Variants in SPATA6 observed in about 807,000 individuals in gnomAD.
The protein encoded by SPATA6 is spermatogenesis-associated protein 6.
Under a neutral mutation model 65.3 loss-of-function variants are expected in SPATA6, and 56 were observed. The observed-to-expected ratio is 0.86, with a 90% confidence interval of 0.69 to 1.07. SPATA6 has a LOEUF of 1.07. Ranked by LOEUF, SPATA6 falls within the 50% of genes least tolerant of loss-of-function variation. The pLI, the probability that SPATA6 is intolerant of heterozygous loss-of-function variation, is 0.00. For synonymous variants in SPATA6, 199 were observed against 213.2 expected, an observed-to-expected ratio of 0.93 and a Z score of 0.58; for missense variants, 590 against 594.8, an observed-to-expected ratio of 0.99 and a Z score of 0.08.
At chr1:48,385,441 CAG>C in intron 8 of SPATA6, 92 bp from the exon 9 acceptor site, 1 of 1,073,604 alleles carries the variant, frequency 9.3e-7, no homozygotes, top group South Asian at 1.7e-5. Context: ...ATAATTCACT[CAG>C]AATATTTCAG....
At chr1:48,447,220 AG>A (rs1176330588) in intron 3 of SPATA6, among the ~76,000 whole-genome samples, 1 of 151,998 alleles carries the variant, frequency 6.6e-6, no homozygotes, top group African/African-American at 2.4e-5. Flanking sequence ...CTTTTGGGGG[AG>A]TCAAAAGTTA....
chr1:48,441,974 C>T (rs574806503), intron 3 of SPATA6, among the ~76,000 whole-genome samples: 1 of 152,312 alleles, frequency 6.6e-6, no homozygotes, highest in Admixed American at 6.5e-5. Context: ...TGGCCCTCAA[C>T]CCTGCTACTT....
intron 8 of SPATA6, among the ~76,000 whole-genome samples, chr1:48,392,183 G>T (rs901631932): frequency 6.6e-6 from 1 of 152,048 alleles, no homozygotes; most frequent in Non-Finnish European, 1.5e-5. Context: ...CATCTGATAA[G>T]GGATTAATGG....
At chr1:48,363,699 A>G (rs1003062769) in intron 9 of SPATA6, among the ~76,000 whole-genome samples, 38 of 152,138 alleles carry the variant, frequency 2.5e-4, no homozygotes, top group Non-Finnish European at 3.8e-4. Context: ...AATCAAGATG[A>G]AAAAATAACT....
Position 48,310,637 on chromosome 1 carries a change from G to A in SPATA6, c.1195-4759C>T, listed in dbSNP as rs1645181235. On this transcript the variant is annotated intron_variant, in intron 11 of 12. Coordinates refer to ENST00000371847, the MANE Select transcript of SPATA6 (RefSeq NM_019073.4). ...AACCAACAGGATGTGTGTACAGTTCGAAGACAGCAATATTTGATTTTTCAA... is the reference window on the plus strand; with the variant it reads ...AACCAACAGGATGTGTGTACAGTTCAAAGACAGCAATATTTGATTTTTCAA... 3.3e-5 allele frequency among the ~76,000 whole-genome samples: 5 copies of A among 152,102 alleles called. No homozygotes were observed. In the South Asian group the frequency reaches 1.0e-3, roughly 31 times the overall value.
At chr1:48,350,980 G>C (rs1376472613) in intron 11 of SPATA6, among the ~76,000 whole-genome samples, 2 of 151,806 alleles carry the variant, frequency 1.3e-5, no homozygotes, top group Non-Finnish European at 2.9e-5. Context: ...GAATCCTCCT[G>C]TCCATGAACA....
At chr1:48,360,344 C>T (rs1056562234) in intron 9 of SPATA6, among the ~76,000 whole-genome samples, 2 of 152,044 alleles carry the variant, frequency 1.3e-5, no homozygotes, top group African/African-American at 4.8e-5. Context: ...TATTAAGTAA[C>T]ATGAGAAGCA....
At chr1:48,319,189 A>G (rs1334294208) in intron 11 of SPATA6, among the ~76,000 whole-genome samples, 6 of 152,210 alleles carry the variant, frequency 3.9e-5, no homozygotes, top group African/African-American at 1.4e-4. Context: ...ATAAATTTTT[A>G]TGTCCCTAGA....
At chr1:48,435,990 C>T in intron 3 of SPATA6, 4 of 1,605,512 alleles carry the variant, frequency 2.5e-6, no homozygotes, top group East Asian at 4.5e-5. Flanking sequence ...ATTGCTTCTG[C>T]ACTTCAAGAA....
At chr1:48,464,332 AC>A (rs1322200219) in intron 1 of SPATA6, among the ~76,000 whole-genome samples, 1 of 152,044 alleles carries the variant, frequency 6.6e-6, no homozygotes, top group Admixed American at 6.6e-5. Flanking sequence ...ACAAAACAAA[AC>A]AAAGGATTGT....
chr1:48,273,361 T>A, the SPATA6 span, among the ~76,000 whole-genome samples: 3 of 152,298 alleles, frequency 2.0e-5, no homozygotes, highest in East Asian at 5.8e-4. Context: ...TTTTTTATTA[T>A]ACTTTAAGTT....
chr1:48,391,472 T>C (rs1037424190), intron 8 of SPATA6, among the ~76,000 whole-genome samples: 3 of 152,098 alleles, frequency 2.0e-5, no homozygotes, highest in Admixed American at 2.0e-4. Flanking sequence ...ATATTAAAAG[T>C]TTCTGTATGT....
chr1:48,438,777 C>A (rs1655184174), intron 3 of SPATA6, among the ~76,000 whole-genome samples: 1 of 152,158 alleles, frequency 6.6e-6, no homozygotes, highest in South Asian at 2.1e-4. Flanking sequence ...TTTCTAGTTT[C>A]TCCTATAAGA....
the SPATA6 span, among the ~76,000 whole-genome samples, chr1:48,287,261 A>G: frequency 3.9e-5 from 6 of 152,190 alleles, no homozygotes; most frequent in Non-Finnish European, 8.8e-5. Flanking sequence ...TCACTATCAC[A>G]GGGATAGTGC....
the SPATA6 span, among the ~76,000 whole-genome samples, chr1:48,286,692 G>T: frequency 0.025 from 3,754 of 152,000 alleles, 99 homozygotes; most frequent in African/African-American, 0.067. Flanking sequence ...TATTAGTCAC[G>T]TCTTATATTG....
rs1018378058 is a variant in SPATA6, at chr1:48,363,454, G to A, written c.910-3684C>T. 3.9e-5 allele frequency among the ~76,000 whole-genome samples: 6 copies of A among 152,048 alleles called. No homozygotes were observed. The East Asian group carries it at 7.8e-4, about 20-fold the overall frequency. ...AGTCATTTACCCTATTAAGGCTTTC[G>A]TTTCCTTACCTATGAACTGAAAACA... is the stretch of plus-strand genomic sequence containing the variant. On this transcript the variant is annotated intron_variant, in intron 9 of 12. Transcript: ENST00000371847.
chr1:48,435,749 G>A (rs1027448751), intron 3 of SPATA6, among the ~76,000 whole-genome samples: 14 of 151,990 alleles, frequency 9.2e-5, no homozygotes, highest in African/African-American at 2.9e-4. Context: ...GCCCTCCCGC[G>A]CCCCGCACCG....
chr1:48,363,657 G>A (rs573051239), intron 9 of SPATA6, among the ~76,000 whole-genome samples: 6 of 151,392 alleles, frequency 4.0e-5, no homozygotes, highest in African/African-American at 1.5e-4. Flanking sequence ...ACCCACAAAT[G>A]CAATACTTTC....
At chr1:48,343,260 C>A (rs906486997) in intron 11 of SPATA6, among the ~76,000 whole-genome samples, 1 of 152,024 alleles carries the variant, frequency 6.6e-6, no homozygotes, top group African/African-American at 2.4e-5. Context: ...CAAAGTTGAG[C>A]TTATTTGGGA....
Sources: gnomAD v4.1 joint callset for allele counts (sites outside exome capture counted in the v4.1 genomes callset) on GRCh38, gnomAD v4.1.1 for gene constraint, MANE v1.5 for transcripts, NCBI Gene and HGNC (gene_info 2026-07-23, HGNC 2026-07-21) for gene names.